The following C10orf67 variants were observed in gnomAD, a reference collection of about 807,000 sequenced individuals.
C10orf67 encodes the protein chromosome 10 open reading frame 67, also known as uncharacterized protein C10orf67, mitochondrial.
A neutral mutation model predicts 35.6 loss-of-function variants in C10orf67; 60 were observed. That is an observed-to-expected ratio of 1.68 (90% CI 1.37 to 2.09). The LOEUF is 2.09. Ranked by LOEUF, C10orf67 falls within the 30% of genes most tolerant of loss-of-function variation. The pLI is 0.00. For synonymous variants in C10orf67, 167 were observed against 115.8 expected (o/e 1.44, Z -2.84); for missense variants, 474 against 330.2 (o/e 1.44, Z -3.38).
chr10:23,235,823 A>G (rs117928859), intron 13 of C10orf67, among the ~76,000 whole-genome samples: 1,776 of 152,308 alleles, frequency 0.012, 23 homozygotes, highest in Non-Finnish European at 0.018. Flanking sequence ...AAATTTAAAA[A>G]CTAACAATAT....
intron 4 of C10orf67, among the ~76,000 whole-genome samples, chr10:23,313,427 C>T (rs1397963165): frequency 6.6e-6 from 1 of 151,912 alleles, no homozygotes; most frequent in Non-Finnish European, 1.5e-5. Flanking sequence ...TGGTGTAGGT[C>T]GAGATATCTT....
intron 2 of C10orf67, among the ~76,000 whole-genome samples, chr10:23,325,326 A>T (rs1335841859): frequency 2.6e-5 from 4 of 152,006 alleles, no homozygotes; most frequent in African/African-American, 9.7e-5. Flanking sequence ...CAACAGAGGG[A>T]GACTCTGTCT....
chr10:23,255,772 C>T (rs115293271), intron 10 of C10orf67, among the ~76,000 whole-genome samples: 138 of 152,160 alleles, frequency 9.1e-4, no homozygotes, highest in African/African-American at 3.0e-3. Flanking sequence ...AATTGTGCTA[C>T]TTCTGTGGGG....
chr10:23,250,658 C>T lies in C10orf67; in HGVS notation c.1234G>A (p.Glu412Lys), dbSNP rs932205335. The T allele has an allele frequency of 2.5e-5, 10 of 398,494 alleles. No homozygotes were observed. The highest frequency in any genetic ancestry group is 2.1e-4 in the African/African-American group (10 of 48,604). The allele number at this position is 398,494 out of a possible 1,614,324, so 24.7% of individuals were successfully genotyped here. A position where few individuals can be genotyped will look rare whatever the true frequency, so the allele number is the denominator to read the frequency against. Residue 412 changes from glutamate (E) to lysine (K), a missense_variant, in exon 11 of 16, where the codon GAA becomes AAA. Coordinates refer to ENST00000636213, the MANE Select transcript of C10orf67 (RefSeq NM_001371909.1). ...TTCTCTAAATTTGCCTTTAATGCTT[C>T]TATTTGAGACTCCAAACCATGTTTG... The part of the protein sequence containing the change: ...EDKHGLESQI[E>K]ALKANLENEK...
intron 15 of C10orf67, among the ~76,000 whole-genome samples, chr10:23,208,644 T>A (rs1045819670): frequency 1.3e-5 from 2 of 152,124 alleles, no homozygotes; most frequent in Non-Finnish European, 2.9e-5. Flanking sequence ...TTTCATAAAG[T>A]CTGTGGAATG....
intron 10 of C10orf67, among the ~76,000 whole-genome samples, chr10:23,252,728 TTTTTGTTTTG>T (rs112259558): frequency 6.6e-6 from 1 of 152,204 alleles, no homozygotes; most frequent in African/African-American, 2.4e-5. Flanking sequence ...TGCTAGCCTT[TTTTTGTTTTG>T]TTTTGTTTTG....
intron 2 of C10orf67, among the ~76,000 whole-genome samples, chr10:23,327,971 A>G (rs772641091): frequency 5.3e-5 from 8 of 152,210 alleles, no homozygotes; most frequent in Non-Finnish European, 1.2e-4. Context: ...GAAGTTAAAA[A>G]TCAGCAATAT....
chr10:23,212,778 TGAGAGAGAGAGAGAGAGAGAGAGAGA>T (rs58972226), intron 15 of C10orf67, among the ~76,000 whole-genome samples: 5 of 101,082 alleles, frequency 4.9e-5, no homozygotes, highest in Non-Finnish European at 1.0e-4. Flanking sequence ...AATATTGTAT[TGAGAGAGAGAGAGAGAGAGAGAGAGA>T]GAGAGAGAGA....
chr10:23,206,674 T>G (rs928476092), intron 15 of C10orf67, among the ~76,000 whole-genome samples: 26 of 152,340 alleles, frequency 1.7e-4, no homozygotes, highest in South Asian at 4.1e-4. Context: ...TTCATGTAGC[T>G]TTGCAGTGCA....
chr10:23,333,103 A>G lies in C10orf67; in HGVS notation c.286T>C (p.Ser96Pro), dbSNP rs775267607. ...ATQTDSSEILSVKELSSSTQK... is the reference protein window; with the variant it reads ...ATQTDSSEILPVKELSSSTQK... Reference sequence around the variant, plus strand: ...GTAGATGAACTCAATTCTTTTACTGACAGTATTTCACTGGAATCAGTTTGA... The same window carrying G: ...GTAGATGAACTCAATTCTTTTACTGGCAGTATTTCACTGGAATCAGTTTGA... Residue 96 changes from serine to proline, a missense_variant, in exon 2 of 16, where the codon TCA (serine) becomes CCA (proline). Physicochemically the swap from Ser to Pro is moderately conservative, Grantham distance 74. Transcript: ENST00000636213. 6.2e-7 allele frequency: 1 copy of G among 1,611,442 alleles called. No homozygotes were observed. Among genetic ancestry groups the G allele is most frequent in the Non-Finnish European group, 8.5e-7 (1 of 1,178,072 alleles).
chr10:23,271,517 T>C (rs1332242739), intron 8 of C10orf67, among the ~76,000 whole-genome samples: 1 of 152,230 alleles, frequency 6.6e-6, no homozygotes, highest in Non-Finnish European at 1.5e-5. Context: ...TCTAAATGGT[T>C]GTATAGTTTA....
intron 8 of C10orf67, among the ~76,000 whole-genome samples, chr10:23,274,209 T>C (rs1030101772): frequency 1.3e-5 from 2 of 152,060 alleles, no homozygotes; most frequent in Non-Finnish European, 2.9e-5. Context: ...AGGGAGAAAT[T>C]AGAATTACTG....
In C10orf67 at chr10:23,264,588, A is replaced by G. The variant is rs566511008; in HGVS notation, c.1200+1674T>C. On this transcript the variant is annotated intron_variant, in intron 10 of 15. Coordinates refer to ENST00000636213, the MANE Select transcript of C10orf67 (RefSeq NM_001371909.1). ...TTATTTTGCATTTTCGGTGGGGAAC[A>G]ACAGGGAATATCTCTGCCCCTTGTG... Among the ~76,000 whole-genome samples the G allele has an allele frequency of 6.6e-4, 100 of 152,322 alleles. 1 individual carries two copies. The highest frequency in any genetic ancestry group is 1.0e-3 in the Non-Finnish European group (70 of 68,018).
chr10:23,241,429 G>A (rs914433185), intron 12 of C10orf67, among the ~76,000 whole-genome samples: 2 of 152,162 alleles, frequency 1.3e-5, no homozygotes, highest in Non-Finnish European at 2.9e-5. Flanking sequence ...TGAGACTTTG[G>A]GGGATATTGG....
chr10:23,261,274 C>A (rs1185081764), intron 10 of C10orf67, among the ~76,000 whole-genome samples: 1 of 152,184 alleles, frequency 6.6e-6, no homozygotes, highest in Non-Finnish European at 1.5e-5. Context: ...ATGATTCCCA[C>A]ACTAAAATTG....
In C10orf67 at chr10:23,239,846, A is replaced by T. The variant is rs1228635633; in HGVS notation, c.1347-30T>A. On this transcript the variant is annotated intron_variant, in intron 12 of 15. Transcript: ENST00000636213. The stretch of plus-strand genomic sequence containing the variant: ...AATTTTAAAAATGATGAAACTTAAA[A>T]TGTATGTAAATCATAGCATAAAGCA... The T allele has an allele frequency of 6.7e-6, 4 of 601,152 alleles. No individual in the cohort carries two copies. In the Admixed American group the frequency reaches 8.2e-5, roughly 12 times the overall value. The allele number at this position is 601,152 out of a possible 1,614,324, so 37.2% of individuals were successfully genotyped here.
chr10:23,254,874 C>A (rs2132167590), intron 10 of C10orf67, among the ~76,000 whole-genome samples: 1 of 152,172 alleles, frequency 6.6e-6, no homozygotes, highest in South Asian at 2.1e-4. Flanking sequence ...TAGTCATTTT[C>A]TCTGGGCTTA....
chr10:23,305,967 G>GCACA (rs149195889), intron 4 of C10orf67, among the ~76,000 whole-genome samples: 1,644 of 149,492 alleles, frequency 0.011, 24 homozygotes, highest in East Asian at 0.051. Flanking sequence ...TTACATACGC[G>GCACA]CACACACACA....
intron 5 of C10orf67, among the ~76,000 whole-genome samples, chr10:23,295,648 G>T (rs1843859007): frequency 6.6e-6 from 1 of 151,944 alleles, no homozygotes; most frequent in Non-Finnish European, 1.5e-5. Flanking sequence ...GATCAAAATT[G>T]CCTTGCCACA....
Sources: gnomAD v4.1 joint callset for allele counts (sites outside exome capture counted in the v4.1 genomes callset) on GRCh38, gnomAD v4.1.1 for gene constraint, MANE v1.5 for transcripts, NCBI Gene and HGNC (gene_info 2026-07-23, HGNC 2026-07-21) for gene names.